Variants in MLXIPL observed in about 807,000 individuals in gnomAD.
The protein encoded by MLXIPL is MLX interacting protein like.
A neutral mutation model predicts 81.5 loss-of-function variants in MLXIPL; 49 were observed. The ratio of observed to expected loss-of-function variants is 0.60; its 90% CI spans 0.48 to 0.76. MLXIPL has a LOEUF of 0.76. Ranked by LOEUF, MLXIPL falls within the 30% of genes least tolerant of loss-of-function variation. The pLI, the probability that MLXIPL is intolerant of heterozygous loss-of-function variation, is 0.00. For missense variants in MLXIPL, 1,053 were observed against 1,167.0 expected, an observed-to-expected ratio of 0.90 and a Z score of 1.42; for synonymous variants, 466 against 485.5, an observed-to-expected ratio of 0.96 and a Z score of 0.53.
rs782751919 is a variant in MLXIPL, at chr7:73,624,395, C to T, written c.98G>A (p.Ser33Asn). The T allele has an allele frequency of 3.1e-5, 48 of 1,566,566 alleles. No individual in the cohort carries two copies. Among genetic ancestry groups the T allele is most frequent in the Non-Finnish European group, 4.1e-5 (48 of 1,162,012 alleles). Residue 33 changes from serine (S) to asparagine (N), a missense_variant, in exon 1 of 17, where the codon AGT (serine) becomes AAT (asparagine). By Grantham distance (46) the Ser-to-Asn change is conservative. This residue lies in a region of MLXIPL where 226 missense variants were observed against 216.2 expected (regional missense o/e 1.05). Transcript: ENST00000313375. ...SDSDTDSEDP[S>N]LRRSAGGLLR... ...CAAGCCGCCCGCGCTGCGCCGGAGA[C>T]TCGGGTCCTCCGAGTCTGTGTCCGA...
At chr7:73,608,224 A>G (rs184876569) in intron 2 of MLXIPL, among the ~76,000 whole-genome samples, 30 of 151,694 alleles carry the variant, frequency 2.0e-4, no homozygotes, top group African/African-American at 5.8e-4. Flanking sequence ...CTGGAGCCCC[A>G]TAGGTACACT....
rs1554598369 is a variant in MLXIPL, at chr7:73,606,975, T to C, written c.617A>G (p.Gln206Arg). 6.2e-7 allele frequency: 1 copy of C among 1,613,748 alleles called. No individual in the cohort carries two copies. Among genetic ancestry groups the C allele is most frequent in the African/African-American group, 1.3e-5 (1 of 75,030 alleles). Residue 206 changes from glutamine (Q) to arginine (R), a missense_variant and splice_region_variant, in exon 5 of 17, where the codon CAG (glutamine) becomes CGG (arginine). This residue lies in a region of MLXIPL where 823 missense variants were observed against 933.0 expected (regional missense o/e 0.88). Coordinates refer to ENST00000313375, the MANE Select transcript of MLXIPL (RefSeq NM_032951.3). The part of the protein sequence containing the change: ...SREDDLLAPK[Q>R]AEGRWPPPEQ... ...CTGCTGGACTTACAGAGCACCCACC[T>C]GCTTAGGGGCCAGGAGGTCATCTTC...
At chr7:73,614,377 G>A (rs1379382533) in intron 2 of MLXIPL, among the ~76,000 whole-genome samples, 12 of 152,082 alleles carry the variant, frequency 7.9e-5, no homozygotes, top group Admixed American at 5.9e-4. Flanking sequence ...ATAACATGGC[G>A]GTAATAAAAC....
intron 1 of MLXIPL, among the ~76,000 whole-genome samples, chr7:73,616,848 CAAA>C (rs35467108): frequency 7.7e-5 from 4 of 51,626 alleles, no homozygotes; most frequent in Admixed American, 4.4e-4. Context: ...AACTCCGTCT[CAAA>C]AAAAAAAAAA....
intron 15 of MLXIPL, among the ~76,000 whole-genome samples, chr7:73,594,970 C>T (rs782668911): frequency 1.8e-4 from 27 of 151,348 alleles, no homozygotes; most frequent in Admixed American, 1.1e-3. Context: ...CTCAGCCTCC[C>T]GAGTAGTTGG....
the MLXIPL span, among the ~76,000 whole-genome samples, chr7:73,643,371 G>A: frequency 2.6e-5 from 4 of 152,088 alleles, no homozygotes; most frequent in African/African-American, 4.8e-5. Flanking sequence ...AAAATTGGCC[G>A]GGCATGGTGG....
Position 73,623,176 on chromosome 7 carries a change from C to A in MLXIPL, c.293+1024G>T, listed in dbSNP as rs1203129675. Among the ~76,000 whole-genome samples, 4 of 152,222 alleles carry A rather than the reference C, an allele frequency of 2.6e-5. No individual in the cohort carries two copies. The highest frequency in any genetic ancestry group is 4.4e-5 in the Non-Finnish European group (3 of 68,040). ...GGGCAGGCAACACTCCCCTCACAGT[C>A]CCCACCCCAGCTCCTGCTCCCCCGC... On this transcript the variant is annotated intron_variant, in intron 1 of 16. Transcript: ENST00000313375. The surrounding 1 kb of genome is among the most constrained non-coding windows in gnomAD (Gnocchi z 5.7).
chr7:73,624,300 G>T lies in MLXIPL; in HGVS notation c.193C>A (p.Arg65=), dbSNP rs369039343. Reference sequence around the variant, plus strand: ...CCCACGGACCCCTCCTGGTCGCGCCGCCGGGGCAGCGAGTCGCTGTGCGGC... The same window carrying T: ...CCCACGGACCCCTCCTGGTCGCGCCTCCGGGGCAGCGAGTCGCTGTGCGGC... ...SSPHSDSLPR[R]RDQEGSVGPS... The change falls in exon 1 of 17, where the codon CGG becomes AGG. Residue 65 remains arginine (R), a synonymous_variant. Coordinates refer to ENST00000313375, the MANE Select transcript of MLXIPL (RefSeq NM_032951.3). 82 of 1,585,922 alleles carry T rather than the reference G, an allele frequency of 5.2e-5. No homozygotes were observed. Among genetic ancestry groups the T allele is most frequent in the Middle Eastern group, 5.1e-4 (3 of 5,868 alleles).
At chr7:73,604,131 G>A (rs1205718768) in intron 7 of MLXIPL, among the ~76,000 whole-genome samples, 2 of 141,836 alleles carry the variant, frequency 1.4e-5, no homozygotes, top group Non-Finnish European at 3.0e-5. Context: ...CACAAGAATC[G>A]CTTGAACCTG....
At position 73,597,723 on chromosome 7, in the gene MLXIPL, G is replaced by A. The variant is rs782114186; in HGVS notation, c.1072-10C>T. 1.1e-5 allele frequency: 15 copies of A among 1,338,598 alleles called. 1 individual carries two copies. The highest frequency in any genetic ancestry group is 4.5e-4 in the Middle Eastern group (2 of 4,490). The allele number at this position is 1,338,598 out of a possible 1,614,324, so 82.9% of individuals were successfully genotyped here. On this transcript the variant is annotated splice_polypyrimidine_tract_variant and intron_variant, in intron 8 of 16. Transcript: ENST00000313375. ...GGCAGCTGTTCCGAGCCTGGTTGGGGGGACAGACAGACACTCAGAGAGCAG... is the reference window on the plus strand; with the variant it reads ...GGCAGCTGTTCCGAGCCTGGTTGGGAGGACAGACAGACACTCAGAGAGCAG...
chr7:73,619,293 T>G (rs2116486122), intron 1 of MLXIPL, among the ~76,000 whole-genome samples: 1 of 151,928 alleles, frequency 6.6e-6, no homozygotes, highest in South Asian at 2.1e-4. Context: ...AAACCCCGTC[T>G]CTACTAAAAA....
rs562069794 is a variant in MLXIPL, at chr7:73,604,625, G to A, written c.901+1063C>T. 2.6e-3 allele frequency among the ~76,000 whole-genome samples: 392 copies of A among 152,140 alleles called. 2 individuals carry two copies. In the Middle Eastern group the frequency reaches 0.027, roughly 11 times the overall value. On this transcript the variant is annotated intron_variant, in intron 7 of 16. Transcript: ENST00000313375. ...AAATAGAAACATAACAGAAGAGAAG[G>A]AATGTTCTCGGATAAAAGACTGGCC...
At chr7:73,619,239 T>C (rs1796173572) in intron 1 of MLXIPL, among the ~76,000 whole-genome samples, 1 of 151,780 alleles carries the variant, frequency 6.6e-6, no homozygotes, top group Non-Finnish European at 1.5e-5. Context: ...GGTGGGTGGA[T>C]CACCTGAGGT....
rs782362627 is a variant in MLXIPL at position 73,616,189 on chromosome 7, G to T, written c.294-12C>A. Reference sequence around the variant, plus strand: ...ACACCAGCTTGCCACTGTCAAAGGGGAGAGGAGTAGGGTTAGGGAGATGCA... The same window carrying T: ...ACACCAGCTTGCCACTGTCAAAGGGTAGAGGAGTAGGGTTAGGGAGATGCA... On this transcript the variant is annotated splice_polypyrimidine_tract_variant and intron_variant, in intron 1 of 16. Coordinates refer to ENST00000313375, the MANE Select transcript of MLXIPL (RefSeq NM_032951.3). The T allele has an allele frequency of 6.2e-7, 1 of 1,602,972 alleles. No individual in the cohort carries two copies. The highest frequency in any genetic ancestry group is 8.5e-7 in the Non-Finnish European group (1 of 1,169,892).
chr7:73,620,071 A>G (rs182559225), intron 1 of MLXIPL, among the ~76,000 whole-genome samples: 5 of 151,560 alleles, frequency 3.3e-5, no homozygotes, highest in Admixed American at 3.3e-4. Flanking sequence ...GGAGTTCAAG[A>G]CCAGCTGGGC....
chr7:73,644,384 A>G, the MLXIPL span, among the ~76,000 whole-genome samples: 4 of 151,400 alleles, frequency 2.6e-5, no homozygotes, highest in Admixed American at 2.6e-4. Context: ...TAATTTTTGT[A>G]TTTTTAGTAG....
chr7:73,631,188 T>C, the MLXIPL span, among the ~76,000 whole-genome samples: 1 of 151,934 alleles, frequency 6.6e-6, no homozygotes, highest in Admixed American at 6.6e-5. Context: ...TTTTTTGTAT[T>C]TTTAGTAGAG....
At chr7:73,636,870 G>A in the MLXIPL span, among the ~76,000 whole-genome samples, 2 of 152,066 alleles carry the variant, frequency 1.3e-5, no homozygotes, top group Non-Finnish European at 2.9e-5. Context: ...GCCCAGCCTG[G>A]CCAAGATGGT....
At chr7:73,597,783 C>CCCCTG in intron 8 of MLXIPL, 70 bp from the exon 9 acceptor site, 1 of 1,204,568 alleles carries the variant, frequency 8.3e-7, no homozygotes, top group Admixed American at 3.1e-5. Context: ...ATCTGGGCCT[C>CCCCTG]CCCTGCCCTG....
Sources: gnomAD v4.1 joint callset for allele counts (sites outside exome capture counted in the v4.1 genomes callset) on GRCh38, gnomAD v4.1.1 for gene constraint, gnomAD v4.1.1 regional missense constraint, Gnocchi (gnomAD v3.1) non-coding constraint, MANE v1.5 for transcripts, NCBI Gene and HGNC (gene_info 2026-07-23, HGNC 2026-07-21) for gene names.